The following MORC3 variants were observed in gnomAD, a reference collection of about 807,000 sequenced individuals.
MORC3 encodes MORC family CW-type zinc finger 3, also known as MORC family CW-type zinc finger protein 3.
A neutral mutation model predicts 109.1 loss-of-function variants in MORC3; 31 were observed. The ratio of observed to expected loss-of-function variants is 0.28; its 90% CI spans 0.21 to 0.38. The LOEUF (loss-of-function observed/expected upper bound fraction) is 0.38. Ranked by LOEUF, MORC3 falls within the 10% of genes least tolerant of loss-of-function variation. The probability of loss-of-function intolerance (pLI) is 1.00; values close to 1 mark genes in which losing one functional copy is unlikely to be tolerated. For synonymous variants in MORC3, 395 were observed against 380.7 expected (o/e 1.04, Z -0.44); for missense variants, 867 against 1,135.8 (o/e 0.76, Z 3.40).
In MORC3 at chr21:36,369,477, A is replaced by G. The variant is rs765421256; in HGVS notation, c.2109A>G (p.Leu703=). 3.7e-6 allele frequency: 6 copies of G among 1,614,154 alleles called. No individual in the cohort carries two copies. In the South Asian group the frequency reaches 5.5e-5, roughly 15 times the overall value. Residue 703 remains leucine (L), a synonymous_variant, in exon 15 of 17, where the codon CTA becomes CTG. Coordinates refer to ENST00000400485, the MANE Select transcript of MORC3 (RefSeq NM_015358.3). ...AATTACAAGAACTGAGAAACCAGCT[A>G]CTCCTTGTCACTGAGGAAAAAGAGA... ...GCQLQELRNQ[L]LLVTEEKENY... is the part of the protein sequence containing the mutation.
At chr21:36,341,942 A>G (rs1250714439) in intron 6 of MORC3, among the ~76,000 whole-genome samples, 1 of 152,088 alleles carries the variant, frequency 6.6e-6, no homozygotes, top group East Asian at 1.9e-4. Context: ...ATTTTAACGT[A>G]TTTGCCCGTG....
At chr21:36,364,331 T>C in intron 14 of MORC3, 72 bp downstream of exon 14, 1 of 1,468,648 alleles carries the variant, frequency 6.8e-7, no homozygotes, top group Non-Finnish European at 9.4e-7. Context: ...TCTGTGACAG[T>C]GATGCAATTC....
intron 1 of MORC3, 55 bp downstream of exon 1, chr21:36,320,358 G>C: frequency 1.5e-6 from 2 of 1,341,744 alleles, no homozygotes; most frequent in Non-Finnish European, 1.9e-6. Flanking sequence ...GGGCGGGCAA[G>C]CGAAGGGGGG....
At chr21:36,365,813 C>G (rs1269484464) in intron 14 of MORC3, among the ~76,000 whole-genome samples, 1 of 152,122 alleles carries the variant, frequency 6.6e-6, no homozygotes, top group African/African-American at 2.4e-5. Context: ...AACTCCTGAC[C>G]TCAGGTGATC....
chr21:36,320,771 A>T (rs754036887), intron 1 of MORC3: 1 of 161,146 alleles, frequency 6.2e-6, no homozygotes, highest in Non-Finnish European at 1.3e-5. Flanking sequence ...GAGTGGAGTC[A>T]GGATGAGTGT....
chr21:36,359,931 T>C, intron 10 of MORC3, 24 bp from the exon 11 acceptor site: 1 of 1,613,482 alleles, frequency 6.2e-7, no homozygotes, highest in Non-Finnish European at 8.5e-7. Context: ...TCTGTGTTAA[T>C]ATTTTGTTCT....
At chr21:36,360,559 T>C in intron 12 of MORC3, 1 of 391,830 alleles carries the variant, frequency 2.6e-6, no homozygotes, top group Non-Finnish European at 4.7e-6. Context: ...ATAGAGAAGG[T>C]GTAACAGAAG....
intron 9 of MORC3, among the ~76,000 whole-genome samples, chr21:36,353,408 G>A (rs2085598800): frequency 1.3e-5 from 2 of 150,266 alleles, no homozygotes; most frequent in Non-Finnish European, 3.0e-5. Context: ...GGCTCAGGCC[G>A]GTGCGGTGGC....
rs1411341914 is a variant in MORC3, at chr21:36,375,237, G to A, written c.2761G>A (p.Val921Ile). 1 of 1,613,814 alleles carries A rather than the reference G, an allele frequency of 6.2e-7. No homozygotes were observed. The highest frequency in any genetic ancestry group is 8.5e-7 in the Non-Finnish European group (1 of 1,179,770). ...TCAGCAAGTGAATTACGATGTTGATGTAGTTGATGAGATTTTAGGACAAGT... is the reference window on the plus strand; with the variant it reads ...TCAGCAAGTGAATTACGATGTTGATATAGTTGATGAGATTTTAGGACAAGT... ...DLQQVNYDVD[V>I]VDEILGQVVE... The change falls in exon 17 of 17, where the codon GTA becomes ATA. Residue 921 changes from valine (V) to isoleucine (I), a missense_variant. Transcript: ENST00000400485.
At chr21:36,340,679 G>C (rs2085435048) in intron 5 of MORC3, among the ~76,000 whole-genome samples, 2 of 134,166 alleles carry the variant, frequency 1.5e-5, no homozygotes, top group African/African-American at 2.8e-5. Flanking sequence ...CTTTCCCCCA[G>C]GGTGGAGTGA....
intron 1 of MORC3, chr21:36,320,677 A>T: frequency 1.5e-5 from 3 of 204,294 alleles, no homozygotes; most frequent in East Asian, 1.1e-4. Context: ...TCGTGGTGGG[A>T]GGGAGCGGGT....
chr21:36,328,128 C>G (rs112772277), intron 1 of MORC3, among the ~76,000 whole-genome samples: 1 of 151,954 alleles, frequency 6.6e-6, no homozygotes, highest in East Asian at 1.9e-4. Context: ...CCACCTGCCG[C>G]GGCCTCCCAA....
In MORC3 at chr21:36,345,449, C is replaced by T. The variant is rs187578669; in HGVS notation, c.1005+418C>T. On this transcript the variant is annotated intron_variant, in intron 8 of 16. Coordinates refer to ENST00000400485, the MANE Select transcript of MORC3 (RefSeq NM_015358.3). The stretch of plus-strand genomic sequence containing the variant: ...TTTTTGTTTTTTTTTTGAGACAGAG[C>T]CTTGCTCTGTCGCCCAGGCTGGAGT... Among the ~76,000 whole-genome samples the T allele has an allele frequency of 6.8e-3, 1,021 of 150,912 alleles. 49 individuals carry two copies. The highest frequency in any genetic ancestry group is 0.063 in the Admixed American group (957 of 15,112).
rs780215404 is a variant in MORC3, at chr21:36,337,719, A to C, written c.246-13A>C. The C allele has an allele frequency of 6.5e-7, 1 of 1,542,086 alleles. No individual in the cohort carries two copies. Among genetic ancestry groups the C allele is most frequent in the South Asian group, 1.3e-5 (1 of 77,452 alleles). Reference sequence around the variant, plus strand: ...TAGGTATTTATTTTTAAAAATCTTTATTTTCTTCTTAGCTTTGGCTTCAGT... The same window carrying C: ...TAGGTATTTATTTTTAAAAATCTTTCTTTTCTTCTTAGCTTTGGCTTCAGT... On this transcript the variant is annotated splice_polypyrimidine_tract_variant and intron_variant, in intron 3 of 16. Coordinates refer to ENST00000400485, the MANE Select transcript of MORC3 (RefSeq NM_015358.3).
intron 14 of MORC3, among the ~76,000 whole-genome samples, chr21:36,368,474 C>T (rs2085805981): frequency 6.6e-6 from 1 of 152,136 alleles, no homozygotes; most frequent in Non-Finnish European, 1.5e-5. Context: ...CTCAATAGTC[C>T]ATCGTCTTCA....
intron 2 of MORC3, among the ~76,000 whole-genome samples, chr21:36,335,888 T>C (rs191119041): frequency 1.6e-3 from 250 of 152,290 alleles, no homozygotes; most frequent in African/African-American, 5.9e-3. Flanking sequence ...TCAGATCTCT[T>C]TCCCCTACAA....
chr21:36,351,551 T>TA (rs1282649711), intron 9 of MORC3, among the ~76,000 whole-genome samples: 1 of 152,068 alleles, frequency 6.6e-6, no homozygotes, highest in African/African-American at 2.4e-5. Context: ...ATACCTGACT[T>TA]ACTTCACTTA....
At chr21:36,328,649 G>A (rs1381380096) in intron 1 of MORC3, among the ~76,000 whole-genome samples, 1 of 151,838 alleles carries the variant, frequency 6.6e-6, no homozygotes, top group African/African-American at 2.4e-5. Flanking sequence ...CCAATTTTTT[G>A]TATTTTTAAT....
chr21:36,354,466 G>A (rs1290855879), intron 9 of MORC3, among the ~76,000 whole-genome samples: 7 of 151,554 alleles, frequency 4.6e-5, no homozygotes, highest in Non-Finnish European at 1.0e-4. Flanking sequence ...CATCACGCCC[G>A]GCTAATTTTT....
Sources: gnomAD v4.1 joint callset for allele counts (sites outside exome capture counted in the v4.1 genomes callset) on GRCh38, gnomAD v4.1.1 for gene constraint, MANE v1.5 for transcripts, NCBI Gene and HGNC (gene_info 2026-07-23, HGNC 2026-07-21) for gene names.